The following SMARCA1 variants were observed in gnomAD, a reference collection of about 807,000 sequenced individuals.
The protein encoded by SMARCA1 is SWI/SNF-related matrix-associated actin-dependent regulator of chromatin subfamily A member 1.
Under a neutral mutation model 93.6 loss-of-function variants are expected in SMARCA1, and 17 were observed. That is an observed-to-expected ratio of 0.18 (90% CI 0.12 to 0.27). The LOEUF is 0.27. SMARCA1 is among the 10% of genes least tolerant of loss of function. SMARCA1 has a pLI of 1.00. For missense variants in SMARCA1, 630 were observed against 819.0 expected (o/e 0.77, Z 2.82); for synonymous variants, 271 against 271.4 (o/e 1.00, Z 0.01).
intron 5 of SMARCA1, among the ~76,000 whole-genome samples, chrX:129,513,394 G>A (rs1417701981): frequency 9.3e-6 from 1 of 107,646 alleles, no homozygotes; most frequent in Non-Finnish European, 1.9e-5. Context: ...CGTGGTGGTG[G>A]GCGCCTGTAA....
At chrX:129,475,289 C>T (rs1602672417) in intron 19 of SMARCA1, among the ~76,000 whole-genome samples, 1 of 110,023 alleles carries the variant, frequency 9.1e-6, no homozygotes, top group South Asian at 4.0e-4. Flanking sequence ...GAGGTCAAGG[C>T]GGGTGGATCA....
In SMARCA1 at chrX:129,498,145, C is replaced by A. The variant is rs991254695; in HGVS notation, c.1278-74G>T. On this transcript the variant is annotated intron_variant, in intron 10 of 24. Coordinates refer to ENST00000371121, the MANE Select transcript of SMARCA1 (RefSeq NM_001282874.2). ...CATAAACAAATGTTCCTTTGGCCATCAGATTAGATTCCTGTTTAAAGATAA... is the reference window on the plus strand; with the variant it reads ...CATAAACAAATGTTCCTTTGGCCATAAGATTAGATTCCTGTTTAAAGATAA... The A allele has an allele frequency of 1.2e-5, 7 of 605,141 alleles. No homozygotes were observed. The African/African-American group carries it at 1.3e-4, about 12-fold the overall frequency. 49.9% of individuals were successfully genotyped at this position (605,141 alleles called of 1,213,427 possible).
At chrX:129,452,928 A>G (rs1228561977) in intron 23 of SMARCA1, among the ~76,000 whole-genome samples, 1 of 111,924 alleles carries the variant, frequency 8.9e-6, no homozygotes, top group Non-Finnish European at 1.9e-5. Flanking sequence ...AATTCTCACA[A>G]TATTTCAAAG....
chrX:129,477,666 G>T (rs933039086), intron 19 of SMARCA1, among the ~76,000 whole-genome samples: 2 of 111,743 alleles, frequency 1.8e-5, no homozygotes, highest in Admixed American at 1.9e-4. Flanking sequence ...TTCCTCATCT[G>T]TAAAATAAGG....
intron 17 of SMARCA1, among the ~76,000 whole-genome samples, chrX:129,486,344 A>G (rs1933883909): frequency 1.8e-5 from 2 of 111,038 alleles, no homozygotes; most frequent in Admixed American, 1.9e-4. Flanking sequence ...AGTGAAGGCT[A>G]TAGGTTAGCT....
intron 23 of SMARCA1, among the ~76,000 whole-genome samples, chrX:129,464,559 G>A (rs1474001374): frequency 1.8e-5 from 2 of 112,315 alleles, no homozygotes; most frequent in Non-Finnish European, 3.8e-5. Flanking sequence ...GAAAGTAATG[G>A]AGGAAATCAC....
intron 17 of SMARCA1, among the ~76,000 whole-genome samples, chrX:129,483,455 A>T (rs1590395): frequency 9.0e-6 from 1 of 111,004 alleles, no homozygotes; most frequent in East Asian, 2.9e-4. Context: ...AGAAATTCCC[A>T]CAGCAATGAA....
At chrX:129,465,358 T>C (rs778011234) in intron 23 of SMARCA1, among the ~76,000 whole-genome samples, 162 bp downstream of exon 23, 7 of 111,709 alleles carry the variant, frequency 6.3e-5, no homozygotes, top group African/African-American at 2.3e-4. Flanking sequence ...TCTGCACGTA[T>C]ATATAGGTGC....
At chrX:129,467,205 T>C (rs1319403073) in intron 21 of SMARCA1, among the ~76,000 whole-genome samples, 2 of 111,972 alleles carry the variant, frequency 1.8e-5, no homozygotes, top group Non-Finnish European at 3.8e-5. Flanking sequence ...CTCATTGCAA[T>C]CTCCTCACCC....
intron 20 of SMARCA1, 70 bp from the exon 21 acceptor site, chrX:129,468,975 T>C: frequency 1.5e-6 from 1 of 677,182 alleles, no homozygotes; most frequent in East Asian, 3.6e-5. Flanking sequence ...CCTATTTACT[T>C]CTATACAATG....
At chrX:129,468,220 G>A (rs1392005360) in intron 21 of SMARCA1, among the ~76,000 whole-genome samples, 1 of 112,112 alleles carries the variant, frequency 8.9e-6, no homozygotes, top group African/African-American at 3.2e-5. Context: ...CAACAACACA[G>A]GTGAGTAAGA....
At chrX:129,465,170 T>C (rs751666204) in intron 23 of SMARCA1, among the ~76,000 whole-genome samples, 8 of 111,709 alleles carry the variant, frequency 7.2e-5, no homozygotes, top group Admixed American at 9.6e-5. Context: ...TGTGGTTATG[T>C]AAGAAAATGT....
chrX:129,451,592 C>A (rs957587380), intron 23 of SMARCA1, among the ~76,000 whole-genome samples: 2 of 110,801 alleles, frequency 1.8e-5, no homozygotes, highest in African/African-American at 6.6e-5. Flanking sequence ...CTACTCCAGA[C>A]AGAAAAATAA....
chrX:129,489,193 G>A, intron 15 of SMARCA1, 108 bp from the exon 16 acceptor site: 2 of 468,323 alleles, frequency 4.3e-6, no homozygotes, highest in Admixed American at 4.4e-5. Context: ...AAGCTTTAAA[G>A]AACAAAAAAT....
In SMARCA1 at chrX:129,497,021, AC is replaced by A. The variant is rs61660022; in HGVS notation, c.1505-151del. ...CGTGCACACACACACACACACACACACCCCCACACACCTTCAAGAGATGCTA... is the reference window on the plus strand; with the variant it reads ...CGTGCACACACACACACACACACACACCCCACACACCTTCAAGAGATGCTA... On this transcript the variant is annotated intron_variant, in intron 11 of 24. Coordinates refer to ENST00000371121, the MANE Select transcript of SMARCA1 (RefSeq NM_001282874.2). 1,081 of 383,767 alleles carry A rather than the reference AC, an allele frequency of 2.8e-3. 6 individuals carry two copies. The East Asian group carries it at 0.044, about 15-fold the overall frequency. The allele number at this position is 383,767 out of a possible 1,213,427, so 31.6% of individuals were successfully genotyped here.
intron 23 of SMARCA1, among the ~76,000 whole-genome samples, chrX:129,452,510 T>C (rs746416579): frequency 1.8e-5 from 2 of 112,594 alleles, no homozygotes; most frequent in Non-Finnish European, 3.8e-5. Flanking sequence ...ATGGGAAATG[T>C]TGGTTTTTTA....
intron 13 of SMARCA1, among the ~76,000 whole-genome samples, chrX:129,492,619 G>T (rs1446418226): frequency 9.0e-6 from 1 of 110,947 alleles, no homozygotes; most frequent in Non-Finnish European, 1.9e-5. Flanking sequence ...TATCAGTATG[G>T]TAACAAGGAA....
At chrX:129,453,765 C>T (rs887422286) in intron 23 of SMARCA1, among the ~76,000 whole-genome samples, 3 of 111,498 alleles carry the variant, frequency 2.7e-5, no homozygotes, top group Non-Finnish European at 5.7e-5. Context: ...AGAAGAACTA[C>T]AAACCACTCC....
At chrX:129,454,737 G>C (rs1932506719) in intron 23 of SMARCA1, among the ~76,000 whole-genome samples, 1 of 111,707 alleles carries the variant, frequency 9.0e-6, no homozygotes, top group Admixed American at 9.5e-5. Flanking sequence ...ATGTTGGTGT[G>C]CTGCACCCAT....
Sources: gnomAD v4.1 joint callset for allele counts (sites outside exome capture counted in the v4.1 genomes callset) on GRCh38, gnomAD v4.1.1 for gene constraint, MANE v1.5 for transcripts, NCBI Gene and HGNC (gene_info 2026-07-23, HGNC 2026-07-21) for gene names.